Variants in KNG1 observed in about 807,000 individuals in gnomAD.
KNG1 encodes kininogen-1.
In KNG1, 23 loss-of-function variants were observed where a neutral mutation model predicts 47.8. That is an observed-to-expected ratio of 0.48 (90% CI 0.35 to 0.68). The LOEUF (loss-of-function observed/expected upper bound fraction) is 0.68. Among genes scored for constraint, KNG1 ranks in the 30% least tolerant of loss-of-function variants. The pLI, the probability that KNG1 is intolerant of heterozygous loss-of-function variation, is 0.01. For synonymous variants in KNG1, 277 were observed against 277.0 expected (o/e 1.00, Z 0.00); for missense variants, 762 against 790.2 (o/e 0.96, Z 0.43).
At chr3:186,725,982 G>T (rs1278292524) in intron 4 of KNG1, among the ~76,000 whole-genome samples, 1 of 150,724 alleles carries the variant, frequency 6.6e-6, no homozygotes, top group Non-Finnish European at 1.5e-5. Context: ...GCCTAGGCTG[G>T]AGCAGTGGCG....
At position 186,741,783 on chromosome 3, in the gene KNG1, C is replaced by T. The variant is rs1334663479; in HGVS notation, c.1387C>T (p.His463Tyr). 1.9e-6 allele frequency: 3 copies of T among 1,614,008 alleles called. No homozygotes were observed. The highest frequency in any genetic ancestry group is 3.3e-5 in the Admixed American group (2 of 59,958). ...HGHQRGHGLG[H>Y]GHEQQHGLGH... ...GCACCAAAGAGGACATGGCCTTGGC[C>T]ATGGACACGAACAACAGCATGGTCT... Residue 463 changes from histidine to tyrosine, a missense_variant, in exon 10 of 10, where the codon CAT (histidine) becomes TAT (tyrosine). His to Tyr is a moderately conservative substitution (Grantham distance 83, BLOSUM62 2). Transcript: ENST00000644859.
Position 186,732,665 on chromosome 3 carries a change from A to G in KNG1, c.921A>G (p.Ala307=). ...FYFKIDNVKK[A]RVQVVAGKKY... is the part of the protein sequence containing the mutation. ...TCAAGATTGACAATGTGAAAAAAGC[A>G]AGAGTACAGGTGTGTAAACTATACT... Residue 307 remains alanine, a synonymous_variant, in exon 7 of 10, where the codon GCA becomes GCG. Coordinates refer to ENST00000644859, the MANE Select transcript of KNG1 (RefSeq NM_001102416.3). 6.2e-7 allele frequency: 1 copy of G among 1,613,392 alleles called. No homozygotes were observed. The highest frequency in any genetic ancestry group is 8.5e-7 in the Non-Finnish European group (1 of 1,179,274).
chr3:186,730,980 C>A (rs921980454), intron 5 of KNG1, among the ~76,000 whole-genome samples: 9 of 151,846 alleles, frequency 5.9e-5, no homozygotes, highest in African/African-American at 2.2e-4. Flanking sequence ...TTTCTATTCA[C>A]GTGTAATTTT....
chr3:186,720,262 C>T, intron 2 of KNG1, 47 bp downstream of exon 2: 1 of 1,261,438 alleles, frequency 7.9e-7, no homozygotes, highest in African/African-American at 1.5e-5. Flanking sequence ...TCCGTTGACC[C>T]TGCCAGATTT....
chr3:186,743,677 T>C lies in KNG1; in HGVS notation c.*1346T>C, dbSNP rs751562801. On this transcript the variant is annotated 3_prime_UTR_variant, in exon 10 of 10. Coordinates refer to ENST00000644859, the MANE Select transcript of KNG1 (RefSeq NM_001102416.3). ...TAAAAATGATTGAATGATAACATCA[T>C]ATTAACTGCGTTTTACTATACTTAC... 2 of 1,553,548 alleles carry C rather than the reference T, an allele frequency of 1.3e-6. No homozygotes were observed. Among genetic ancestry groups the C allele is most frequent in the South Asian group, 1.1e-5 (1 of 89,686 alleles).
At chr3:186,723,556 G>C (rs1720265596) in intron 3 of KNG1, among the ~76,000 whole-genome samples, 1 of 152,102 alleles carries the variant, frequency 6.6e-6, no homozygotes, top group Non-Finnish European at 1.5e-5. Flanking sequence ...TTCACTTAAC[G>C]ACCTCTAGTT....
rs1269722892 is a variant in KNG1 at position 186,741,574 on chromosome 3, T to C, written c.1178T>C (p.Ile393Thr). The C allele has an allele frequency of 1.2e-6, 2 of 1,610,390 alleles. No individual in the cohort carries two copies. Among genetic ancestry groups the C allele is most frequent in the Non-Finnish European group, 8.5e-7 (1 of 1,179,036 alleles). ...PGFSPFRSSR[I>T]GEIKEETTVS... ...TTTTCACCTTTCCGATCATCACGAA[T>C]AGGGGAAATAAAAGAAGAAACAACT... Residue 393 changes from isoleucine (I) to threonine (T), a missense_variant, in exon 10 of 10, where the codon ATA becomes ACA. Physicochemically the swap from Ile to Thr is moderately conservative, Grantham distance 89. Transcript: ENST00000644859.
intron 9 of KNG1, among the ~76,000 whole-genome samples, chr3:186,740,371 G>A (rs1720779262): frequency 1.3e-5 from 2 of 152,168 alleles, no homozygotes; most frequent in South Asian, 2.1e-4. Flanking sequence ...TGTGAGGCAG[G>A]TGCTGTTATT....
rs1720870305 is a variant in KNG1, at chr3:186,743,664, A to C, written c.*1333A>C. 1 of 1,458,908 alleles carries C rather than the reference A, an allele frequency of 6.9e-7. No homozygotes were observed. Among genetic ancestry groups the C allele is most frequent in the South Asian group, 1.1e-5 (1 of 87,524 alleles). The allele number at this position is 1,458,908 out of a possible 1,614,324, so 90.4% of individuals were successfully genotyped here. On this transcript the variant is annotated 3_prime_UTR_variant, in exon 10 of 10. Transcript: ENST00000644859. ...TTGCTCCACTTTTTAAAAATGATTGAATGATAACATCATATTAACTGCGTT... is the reference window on the plus strand; with the variant it reads ...TTGCTCCACTTTTTAAAAATGATTGCATGATAACATCATATTAACTGCGTT...
chr3:186,731,699 C>G (rs1720538487), intron 6 of KNG1, 70 bp downstream of exon 6: 1 of 1,036,842 alleles, frequency 9.6e-7, no homozygotes. Flanking sequence ...GAGTCTTTTC[C>G]TATAAGTTGG....
At position 186,739,401 on chromosome 3, in the gene KNG1, A is replaced by C; in HGVS notation, c.1112A>C (p.Gln371Pro). ...EKKIYPTVNCQPLGMISLMKR... is the reference protein window; with the variant it reads ...EKKIYPTVNCPPLGMISLMKR... ...AAAATTTACCCTACTGTCAACTGTCAACCACTGGGAATGGTATGATTCTAA... is the reference window on the plus strand; with the variant it reads ...AAAATTTACCCTACTGTCAACTGTCCACCACTGGGAATGGTATGATTCTAA... The change falls in exon 9 of 10, where the codon CAA (glutamine) becomes CCA (proline). Residue 371 changes from glutamine to proline, a missense_variant. Gln to Pro is a moderately conservative substitution (Grantham distance 76, BLOSUM62 -1). Coordinates refer to ENST00000644859, the MANE Select transcript of KNG1 (RefSeq NM_001102416.3). 1 of 1,606,068 alleles carries C rather than the reference A, an allele frequency of 6.2e-7. No individual in the cohort carries two copies. The highest frequency in any genetic ancestry group is 8.5e-7 in the Non-Finnish European group (1 of 1,172,596).
At position 186,717,618 on chromosome 3, in the gene KNG1, A is replaced by G. The variant is rs779874550; in HGVS notation, c.76A>G (p.Ile26Val). 1.2e-6 allele frequency: 2 copies of G among 1,612,964 alleles called. No individual in the cohort carries two copies. Among genetic ancestry groups the G allele is most frequent in the Non-Finnish European group, 1.7e-6 (2 of 1,179,410 alleles). ...AACCCAGGAATCACAGTCCGAGGAA[A>G]TTGACTGCAATGACAAGGATTTATT... ...SLTQESQSEE[I>V]DCNDKDLFKA... The change falls in exon 1 of 10, where the codon ATT (isoleucine) becomes GTT (valine). Residue 26 changes from isoleucine to valine, a missense_variant. Ile to Val is a conservative substitution (Grantham distance 29). Transcript: ENST00000644859.
At chr3:186,726,285 T>G (rs1192484432) in intron 4 of KNG1, among the ~76,000 whole-genome samples, 1 of 92,162 alleles carries the variant, frequency 1.1e-5, no homozygotes, top group East Asian at 3.7e-4. Context: ...TTTTTTTTTT[T>G]TTTTTTTTTG....
chr3:186,734,792 T>G (rs1017050225), intron 7 of KNG1: 3 of 152,068 alleles, frequency 2.0e-5, no homozygotes, highest in Non-Finnish European at 4.4e-5. Flanking sequence ...GAGCCGAGAT[T>G]GTGCCACTGC....
chr3:186,725,258 C>G lies in KNG1; in HGVS notation c.562C>G (p.Gln188Glu), dbSNP rs760821189. The change falls in exon 4 of 10, where the codon CAG (glutamine) becomes GAG (glutamate). Residue 188 changes from glutamine to glutamate, a missense_variant and splice_region_variant. By Grantham distance (29) the Gln-to-Glu change is conservative (BLOSUM62 2). Transcript: ENST00000644859. ...TAATGAAGTAAAACGGGCCCAAAGACAGGTTTGTTCTTTAATTCTCTAAGT... is the reference window on the plus strand; with the variant it reads ...TAATGAAGTAAAACGGGCCCAAAGAGAGGTTTGTTCTTTAATTCTCTAAGT... ...MLNEVKRAQR[Q>E]VVAGLNFRIT... The G allele has an allele frequency of 1.2e-6, 2 of 1,613,714 alleles. No individual in the cohort carries two copies. The highest frequency in any genetic ancestry group is 2.2e-5 in the South Asian group (2 of 91,072).
Position 186,742,547 on chromosome 3 carries a change from C to A in KNG1, c.*216C>A, listed in dbSNP as rs1327064015. The A allele has an allele frequency of 1.4e-6, 2 of 1,393,626 alleles. No individual in the cohort carries two copies. Among genetic ancestry groups the A allele is most frequent in the Non-Finnish European group, 1.9e-6 (2 of 1,077,418 alleles). 86.3% of individuals were successfully genotyped at this position (1,393,626 alleles called of 1,614,324 possible). A position where few individuals can be genotyped will look rare whatever the true frequency, so the allele number is the denominator to read the frequency against. On this transcript the variant is annotated 3_prime_UTR_variant, in exon 10 of 10. Transcript: ENST00000644859. ...CAATTCTAACTCTTTTCTGAATCTT[C>A]TTCCCAAGTTTTCTAAACTAGCACA...
intron 2 of KNG1, chr3:186,721,185 A>C (rs1720187176): frequency 6.6e-6 from 1 of 152,150 alleles, no homozygotes; most frequent in African/African-American, 2.4e-5. Context: ...TTTATGTCAG[A>C]ACATAAAAGA....
chr3:186,730,655 CAAAAAAAAAAAAA>C (rs869232105), intron 5 of KNG1, among the ~76,000 whole-genome samples: 24 of 80,100 alleles, frequency 3.0e-4, no homozygotes, highest in Admixed American at 8.2e-4. Context: ...GACTCCATCA[CAAAAAAAAAAAAA>C]AAAAAAAAAA....
chr3:186,730,668 AAAAAAAAAAAAAAAAATATATATATATAT>A (rs1217921224), intron 5 of KNG1, among the ~76,000 whole-genome samples: 1,264 of 74,196 alleles, frequency 0.017, 14 homozygotes, highest in Middle Eastern at 0.033. Flanking sequence ...AAAAAAAAAA[AAAAAAAAAAAAAAAAATATATATATATAT>A]ATATATATAT....
Sources: gnomAD v4.1 joint callset for allele counts (sites outside exome capture counted in the v4.1 genomes callset) on GRCh38, gnomAD v4.1.1 for gene constraint, MANE v1.5 for transcripts, NCBI Gene and HGNC (gene_info 2026-07-23, HGNC 2026-07-21) for gene names.